Variants in PDE11A observed in about 807,000 individuals in gnomAD.
PDE11A encodes the protein dual 3',5'-cyclic-AMP and -GMP phosphodiesterase 11A.
In PDE11A, 100 loss-of-function variants were observed where a neutral mutation model predicts 100.5. That is an observed-to-expected ratio of 1.00 (90% CI 0.85 to 1.18). PDE11A has a LOEUF of 1.18. Among genes scored for constraint, PDE11A ranks in the 50% most tolerant of loss-of-function variants. The pLI is 0.00. For synonymous variants in PDE11A, 381 were observed against 420.8 expected (o/e 0.91, Z 1.16); for missense variants, 1,141 against 1,152.6 (o/e 0.99, Z 0.15).
At chr2:177,936,851 G>T (rs2085280703) in intron 2 of PDE11A, among the ~76,000 whole-genome samples, 1 of 152,090 alleles carries the variant, frequency 6.6e-6, no homozygotes, top group Non-Finnish European at 1.5e-5. Flanking sequence ...AACCCAAGAG[G>T]TGGGAGGTTG....
chr2:177,718,487 G>A (rs898395260), intron 12 of PDE11A, among the ~76,000 whole-genome samples: 1 of 152,188 alleles, frequency 6.6e-6, no homozygotes, highest in African/African-American at 2.4e-5. Flanking sequence ...TCTTGAGTAG[G>A]AAGAGATTGA....
chr2:177,928,332 T>C (rs994010102), intron 2 of PDE11A, among the ~76,000 whole-genome samples: 1 of 151,862 alleles, frequency 6.6e-6, no homozygotes, highest in African/African-American at 2.4e-5. Context: ...CCCATCTCTA[T>C]AAAAAAAATT....
chr2:177,815,016 G>A (rs934386097), intron 9 of PDE11A, among the ~76,000 whole-genome samples: 6 of 152,196 alleles, frequency 3.9e-5, no homozygotes, highest in Admixed American at 3.9e-4. Context: ...CTCTTTGTGT[G>A]TTAATTATAC....
At chr2:177,637,143 C>G (rs1439978149) in intron 19 of PDE11A, among the ~76,000 whole-genome samples, 1 of 152,216 alleles carries the variant, frequency 6.6e-6, no homozygotes, top group African/African-American at 2.4e-5. Context: ...CTCATAAAAT[C>G]TCCACAGCAG....
intron 2 of PDE11A, among the ~76,000 whole-genome samples, chr2:177,968,949 C>T (rs901809489): frequency 6.6e-6 from 1 of 152,174 alleles, no homozygotes. Flanking sequence ...AATCATTCTA[C>T]TATAAGAACA....
chr2:177,909,276 T>C (rs2084840649), intron 2 of PDE11A, among the ~76,000 whole-genome samples: 1 of 152,198 alleles, frequency 6.6e-6, no homozygotes, highest in Non-Finnish European at 1.5e-5. Context: ...TGCTGTCTTG[T>C]TTTGTGTACT....
At chr2:177,690,453 T>C (rs1264487317) in intron 15 of PDE11A, among the ~76,000 whole-genome samples, 1 of 152,252 alleles carries the variant, frequency 6.6e-6, no homozygotes, top group African/African-American at 2.4e-5. Flanking sequence ...GAATGATGAA[T>C]GAATGTTTGC....
chr2:177,649,710 C>T (rs1034079687), intron 19 of PDE11A, among the ~76,000 whole-genome samples: 4 of 152,048 alleles, frequency 2.6e-5, no homozygotes, highest in Non-Finnish European at 4.4e-5. Flanking sequence ...TAGAAGCATA[C>T]GCAGGAATTG....
intron 1 of PDE11A, among the ~76,000 whole-genome samples, chr2:178,050,604 C>A (rs576340442): frequency 7.9e-5 from 12 of 152,170 alleles, no homozygotes; most frequent in African/African-American, 2.6e-4. Flanking sequence ...AGCTAAAAAC[C>A]TTGAAAAAAG....
intron 12 of PDE11A, among the ~76,000 whole-genome samples, chr2:177,714,822 T>C (rs140287824): frequency 1.3e-5 from 2 of 152,166 alleles, no homozygotes; most frequent in Admixed American, 6.5e-5. Context: ...CAAAGCAATT[T>C]TGAAGTGGGT....
chr2:178,075,494 G>A (rs1040290461), upstream of PDE11A, among the ~76,000 whole-genome samples: 4 of 144,546 alleles, frequency 2.8e-5, no homozygotes, highest in African/African-American at 7.7e-5. Flanking sequence ...AGAGGTTGCA[G>A]TGAGCTGAGA....
chr2:177,649,556 A>G (rs1236397962), intron 19 of PDE11A, among the ~76,000 whole-genome samples: 2 of 152,212 alleles, frequency 1.3e-5, no homozygotes, highest in African/African-American at 4.8e-5. Context: ...ATGTTCATAG[A>G]TACATATGCA....
At chr2:177,992,475 A>AG (rs2086016396) in intron 2 of PDE11A, among the ~76,000 whole-genome samples, 1 of 152,184 alleles carries the variant, frequency 6.6e-6, no homozygotes, top group Admixed American at 6.5e-5. Context: ...TCTACCATTC[A>AG]TGCTATTTGC....
intron 10 of PDE11A, among the ~76,000 whole-genome samples, chr2:177,730,261 G>A (rs1249878197): frequency 6.6e-6 from 1 of 152,032 alleles, no homozygotes; most frequent in Non-Finnish European, 1.5e-5. Context: ...GGTGTGTGAT[G>A]TTCCCCGCCC....
In PDE11A at chr2:177,787,063, A is replaced by G. The variant is rs1483246301; in HGVS notation, c.1738-17690T>C. On this transcript the variant is annotated intron_variant, in intron 9 of 19. Coordinates refer to ENST00000286063, the MANE Select transcript of PDE11A (RefSeq NM_016953.4). ...CGCCACAAAGATACTCTTCGAGAAGAGCAACTCCAAGACAAATAATTGTCA... is the reference window on the plus strand; with the variant it reads ...CGCCACAAAGATACTCTTCGAGAAGGGCAACTCCAAGACAAATAATTGTCA... 1.7e-4 allele frequency among the ~76,000 whole-genome samples: 24 copies of G among 141,342 alleles called. 1 individual carries two copies. Among genetic ancestry groups the G allele is most frequent in the Admixed American group, 2.8e-4 (4 of 14,330 alleles). The allele number at this position is 141,342 out of a possible 152,430, so 92.7% of individuals were successfully genotyped here. A position where few individuals can be genotyped will look rare whatever the true frequency, so the allele number is the denominator to read the frequency against.
chr2:177,928,900 A>C (rs1048524120), intron 2 of PDE11A, among the ~76,000 whole-genome samples: 1 of 152,198 alleles, frequency 6.6e-6, no homozygotes, highest in African/African-American at 2.4e-5. Flanking sequence ...AGAATAGTCT[A>C]TACATAATCT....
At chr2:177,979,323 G>A (rs2085849362) in intron 2 of PDE11A, among the ~76,000 whole-genome samples, 1 of 150,482 alleles carries the variant, frequency 6.6e-6, no homozygotes, top group African/African-American at 2.4e-5. Context: ...TGTGTTGGGG[G>A]TGACCAATAT....
intron 5 of PDE11A, among the ~76,000 whole-genome samples, chr2:177,851,865 C>T (rs1449151114): frequency 1.3e-5 from 2 of 151,980 alleles, no homozygotes; most frequent in African/African-American, 4.8e-5. Context: ...AGCCCAGTAA[C>T]CATTAGTTAT....
At chr2:177,807,384 GTTC>G (rs756761204) in intron 9 of PDE11A, among the ~76,000 whole-genome samples, 1 of 152,124 alleles carries the variant, frequency 6.6e-6, no homozygotes, top group Non-Finnish European at 1.5e-5. Flanking sequence ...CAATTGCATT[GTTC>G]TTATAATTTA....
Sources: gnomAD v4.1 joint callset for allele counts (sites outside exome capture counted in the v4.1 genomes callset) on GRCh38, gnomAD v4.1.1 for gene constraint, MANE v1.5 for transcripts, NCBI Gene and HGNC (gene_info 2026-07-23, HGNC 2026-07-21) for gene names.